NFIB: variants seen among roughly 807,000 people sequenced by gnomAD.
NFIB encodes the protein nuclear factor 1 B-type.
A neutral mutation model predicts 61.5 loss-of-function variants in NFIB; 11 were observed. That is an observed-to-expected ratio of 0.18 (90% confidence interval 0.11 to 0.30). The LOEUF is 0.30. Among genes scored for constraint, NFIB ranks in the 10% least tolerant of loss-of-function variants. NFIB has a pLI of 1.00. For missense variants in NFIB, 471 were observed against 608.9 expected (o/e 0.77, Z 2.38); for synonymous variants, 260 against 216.5 (o/e 1.20, Z -1.76).
intron 2 of NFIB, among the ~76,000 whole-genome samples, chr9:14,203,480 T>A (rs962429434): frequency 2.0e-5 from 3 of 152,224 alleles, no homozygotes; most frequent in Admixed American, 2.0e-4. Context: ...TTTGTAATTA[T>A]AAGATATTTC....
At chr9:14,289,292 T>C (rs112059828) in intron 2 of NFIB, among the ~76,000 whole-genome samples, 1,891 of 150,348 alleles carry the variant, frequency 0.013, 42 homozygotes, top group African/African-American at 0.045. Flanking sequence ...ATATATATAA[T>C]CAACACTGAA....
At chr9:14,273,967 T>C (rs1211002935) in intron 2 of NFIB, among the ~76,000 whole-genome samples, 2 of 152,128 alleles carry the variant, frequency 1.3e-5, no homozygotes, top group Non-Finnish European at 2.9e-5. Context: ...TCACCTCTGA[T>C]GTCATATAAT....
chr9:14,350,314 T>TA (rs756155291), intron 1 of NFIB, among the ~76,000 whole-genome samples: 1 of 152,172 alleles, frequency 6.6e-6, no homozygotes, highest in African/African-American at 2.4e-5. Flanking sequence ...GACGCAAAAT[T>TA]AAAAACGAAG....
At chr9:14,433,029 C>G in the NFIB span, among the ~76,000 whole-genome samples, 1 of 152,150 alleles carries the variant, frequency 6.6e-6, no homozygotes, top group East Asian at 1.9e-4. Context: ...GCTAGGCTGT[C>G]TGTGAGACAG....
intron 1 of NFIB, among the ~76,000 whole-genome samples, chr9:14,356,333 G>C (rs976219339): frequency 6.6e-6 from 1 of 152,078 alleles, no homozygotes; most frequent in Admixed American, 6.6e-5. Flanking sequence ...GTGTGGCTCG[G>C]ACCAAGATTT....
At chr9:14,113,961 G>A (rs530302489) in intron 9 of NFIB, among the ~76,000 whole-genome samples, 1 of 152,176 alleles carries the variant, frequency 6.6e-6, no homozygotes, top group South Asian at 2.1e-4. Context: ...CACAAGGAAA[G>A]GACTGAGGTA....
intron 10 of NFIB, among the ~76,000 whole-genome samples, chr9:14,091,982 T>C (rs1192803598): frequency 6.6e-6 from 1 of 152,122 alleles, no homozygotes; most frequent in African/African-American, 2.4e-5. Context: ...TCTTGCTATT[T>C]TGACCAAATG....
At chr9:14,219,985 T>C (rs1303981896) in intron 2 of NFIB, among the ~76,000 whole-genome samples, 2 of 152,128 alleles carry the variant, frequency 1.3e-5, no homozygotes, top group Admixed American at 1.3e-4. Flanking sequence ...AAAAAACTTT[T>C]CCAACTCCAG....
intron 4 of NFIB, among the ~76,000 whole-genome samples, chr9:14,152,737 C>T (rs1328583456): frequency 6.6e-6 from 1 of 151,586 alleles, no homozygotes; most frequent in Non-Finnish European, 1.5e-5. Flanking sequence ...TTGTTTTTTT[C>T]TAAATTTTGT....
intron 4 of NFIB, among the ~76,000 whole-genome samples, chr9:14,155,010 A>AT (rs2043243033): frequency 6.6e-6 from 1 of 152,314 alleles, no homozygotes; most frequent in South Asian, 2.1e-4. Context: ...CATCATCTGA[A>AT]TAACATCACT....
At position 14,189,792 on chromosome 9, in the gene NFIB, T is replaced by C. The variant is rs1266006442; in HGVS notation, c.563-10012A>G. ...ATACTAGATGCTCAATCAGTATGTG[T>C]TGAATGACTAACCACTGTTTTACAG... On this transcript the variant is annotated intron_variant, in intron 2 of 10. Transcript: ENST00000380953. 4.7e-5 allele frequency among the ~76,000 whole-genome samples: 7 copies of C among 150,444 alleles called. No individual in the cohort carries two copies. In the East Asian group the frequency reaches 7.8e-4, roughly 17 times the overall value.
chr9:14,136,545 G>A (rs2130998876), intron 6 of NFIB, among the ~76,000 whole-genome samples: 1 of 152,240 alleles, frequency 6.6e-6, no homozygotes, highest in Non-Finnish European at 1.5e-5. Flanking sequence ...AACATTTGGG[G>A]AAAAGCCATA....
chr9:14,420,936 C>T, the NFIB span, among the ~76,000 whole-genome samples: 2 of 152,138 alleles, frequency 1.3e-5, no homozygotes, highest in East Asian at 3.8e-4. Flanking sequence ...AACAGTAGCA[C>T]CACTGAGAGT....
chr9:14,092,010 C>A (rs979976700), intron 10 of NFIB, among the ~76,000 whole-genome samples: 2 of 152,066 alleles, frequency 1.3e-5, no homozygotes, highest in South Asian at 2.1e-4. Context: ...TGGCTCCCCC[C>A]AAAAGGGAAG....
chr9:14,349,450 C>T (rs1258600081), intron 1 of NFIB, among the ~76,000 whole-genome samples: 1 of 152,150 alleles, frequency 6.6e-6, no homozygotes, highest in Admixed American at 6.5e-5. Flanking sequence ...AAAGGCATTC[C>T]GCGTTATGTT....
intron 10 of NFIB, among the ~76,000 whole-genome samples, chr9:14,104,964 G>A (rs977252039): frequency 1.3e-5 from 2 of 152,066 alleles, no homozygotes; most frequent in Admixed American, 6.6e-5. Context: ...CACAAAGCCA[G>A]GGGAATCTAA....
chr9:14,448,319 G>T, the NFIB span, among the ~76,000 whole-genome samples: 5 of 152,180 alleles, frequency 3.3e-5, no homozygotes, highest in South Asian at 4.1e-4. Flanking sequence ...CATTAAGTTT[G>T]TATCTTGCGG....
rs75447706 is a variant in NFIB, at chr9:14,239,058, T to G, written c.563-59278A>C. Among the ~76,000 whole-genome samples, 830 of 152,332 alleles carry G rather than the reference T, an allele frequency of 5.4e-3. 13 individuals are homozygous for G. The East Asian group carries it at 0.066, about 12-fold the overall frequency. On this transcript the variant is annotated intron_variant, in intron 2 of 10. Coordinates refer to ENST00000380953, the MANE Select transcript of NFIB (RefSeq NM_001190737.2). ...TTTATAATAGGAAAAGGAGTTACAT[T>G]TGATTCTGCAAGAGCAGTCGGTAAT...
intron 2 of NFIB, among the ~76,000 whole-genome samples, chr9:14,270,224 A>C (rs552553294): frequency 5.9e-5 from 9 of 152,294 alleles, no homozygotes; most frequent in Admixed American, 1.3e-4. Context: ...TAATAATAAT[A>C]ATCCTAGGCA....
Sources: gnomAD v4.1 joint callset for allele counts (sites outside exome capture counted in the v4.1 genomes callset) on GRCh38, gnomAD v4.1.1 for gene constraint, MANE v1.5 for transcripts, NCBI Gene and HGNC (gene_info 2026-07-23, HGNC 2026-07-21) for gene names.